Variants in TRIM44 observed in about 807,000 individuals in gnomAD.
TRIM44 encodes the protein tripartite motif containing 44.
In TRIM44, 13 loss-of-function variants were observed where a neutral mutation model predicts 37.4. That is an observed-to-expected ratio of 0.35 (90% CI 0.23 to 0.55). TRIM44 has a LOEUF of 0.55. Among genes scored for constraint, TRIM44 ranks in the 20% least tolerant of loss-of-function variants. The probability of loss-of-function intolerance (pLI) is 0.89; values close to 1 mark genes in which losing one functional copy is unlikely to be tolerated. For missense variants in TRIM44, 426 were observed against 437.2 expected (o/e 0.97, Z 0.23); for synonymous variants, 175 against 157.2 (o/e 1.11, Z -0.85).
chr11:35,676,076 C>G (rs1190285480), intron 1 of TRIM44, among the ~76,000 whole-genome samples: 1 of 152,160 alleles, frequency 6.6e-6, no homozygotes. Context: ...CTTAGCTCTT[C>G]CACCTACTAG....
intron 1 of TRIM44, among the ~76,000 whole-genome samples, chr11:35,677,641 C>T (rs982664628): frequency 6.6e-5 from 10 of 151,972 alleles, no homozygotes; most frequent in South Asian, 2.1e-4. Context: ...ATATATTATT[C>T]GAAGTTAGTG....
chr11:35,734,792 A>G (rs541046623), intron 3 of TRIM44, among the ~76,000 whole-genome samples: 5 of 152,358 alleles, frequency 3.3e-5, no homozygotes, highest in Non-Finnish European at 7.3e-5. Flanking sequence ...GAGAAGAGCC[A>G]TTGTTTGATG....
intron 1 of TRIM44, among the ~76,000 whole-genome samples, chr11:35,679,516 T>A (rs1851501550): frequency 1.3e-5 from 2 of 152,162 alleles, no homozygotes; most frequent in Non-Finnish European, 2.9e-5. Context: ...CAACTTCAGA[T>A]ATCTACCAGA....
At position 35,807,191 on chromosome 11, in the gene TRIM44, C is replaced by T. The variant is rs1853463372; in HGVS notation, c.*806C>T. On this transcript the variant is annotated 3_prime_UTR_variant, in exon 5 of 5. Coordinates refer to ENST00000299413, the MANE Select transcript of TRIM44 (RefSeq NM_017583.6). ...AGAACCAGAATTATTTGGGTGAATT[C>T]TGCAGGTTTTATGGGCTTGTCACAA... The T allele has an allele frequency of 6.6e-6, 1 of 152,160 alleles. No homozygotes were observed. The allele number at this position is 152,160 out of a possible 1,614,324, so 9.4% of individuals were successfully genotyped here.
chr11:35,802,911 C>G (rs994244619), intron 4 of TRIM44, among the ~76,000 whole-genome samples: 2 of 152,134 alleles, frequency 1.3e-5, no homozygotes, highest in Non-Finnish European at 2.9e-5. Flanking sequence ...CACACTTGTT[C>G]TGGAATGTAA....
Position 35,807,285 on chromosome 11 carries a change from A to G in TRIM44, c.*900A>G, listed in dbSNP as rs528544822. ...GTAGGTTTTTGCTAGTCCCACCCCC[A>G]TTTTAGCCTAATTTGGCTTAAACGC... On this transcript the variant is annotated 3_prime_UTR_variant, in exon 5 of 5. Coordinates refer to ENST00000299413, the MANE Select transcript of TRIM44 (RefSeq NM_017583.6). 58 of 152,288 alleles carry G rather than the reference A, an allele frequency of 3.8e-4. No homozygotes were observed. Among genetic ancestry groups the G allele is most frequent in the African/African-American group, 1.4e-3 (58 of 41,568 alleles). 9.4% of individuals were successfully genotyped at this position (152,288 alleles called of 1,614,324 possible).
In TRIM44 at chr11:35,812,466, C is replaced by T. The variant is rs2133889688; in HGVS notation, c.*6081C>T. On this transcript the variant is annotated 3_prime_UTR_variant, in exon 5 of 5. Coordinates refer to ENST00000299413, the MANE Select transcript of TRIM44 (RefSeq NM_017583.6). ...CTTAGCTCTTTCTCTGGGCCAGGTA[C>T]TCTCCTGTTGTTTTTCACATTATCA... 6.6e-6 allele frequency: 1 copy of T among 152,286 alleles called. No homozygotes were observed. Among genetic ancestry groups the T allele is most frequent in the Middle Eastern group, 3.4e-3 (1 of 294 alleles). 9.4% of individuals were successfully genotyped at this position (152,286 alleles called of 1,614,324 possible). A position where few individuals can be genotyped will look rare whatever the true frequency, so the allele number is the denominator to read the frequency against.
chr11:35,786,145 T>C (rs1853128419), intron 4 of TRIM44, among the ~76,000 whole-genome samples: 1 of 152,226 alleles, frequency 6.6e-6, no homozygotes, highest in African/African-American at 2.4e-5. Flanking sequence ...CTATTATTTA[T>C]AAAATATTAC....
intron 4 of TRIM44, among the ~76,000 whole-genome samples, chr11:35,802,777 C>T (rs1853387206): frequency 6.6e-6 from 1 of 152,164 alleles, no homozygotes; most frequent in Admixed American, 6.5e-5. Flanking sequence ...CAGAGTGATA[C>T]TCAGCCTTTC....
At chr11:35,723,009 C>T (rs1170638127) in intron 2 of TRIM44, among the ~76,000 whole-genome samples, 2 of 151,916 alleles carry the variant, frequency 1.3e-5, no homozygotes, top group Non-Finnish European at 2.9e-5. Context: ...CTCTCTTTCT[C>T]TCTCTACCTC....
At chr11:35,781,690 G>A (rs1003226993) in intron 4 of TRIM44, among the ~76,000 whole-genome samples, 1 of 152,154 alleles carries the variant, frequency 6.6e-6, no homozygotes, top group African/African-American at 2.4e-5. Context: ...AAACAAGGAA[G>A]GAAATAAAGT....
chr11:35,788,082 C>T (rs560321222), intron 4 of TRIM44, among the ~76,000 whole-genome samples: 2 of 152,148 alleles, frequency 1.3e-5, no homozygotes, highest in Non-Finnish European at 2.9e-5. Context: ...CTACTGCTCC[C>T]CCATGAACAG....
At chr11:35,686,368 G>GTTT in intron 2 of TRIM44, among the ~76,000 whole-genome samples, 1 of 143,638 alleles carries the variant, frequency 7.0e-6, no homozygotes, top group African/African-American at 2.6e-5. Context: ...TTTTGTTTTT[G>GTTT]TTTTTGTTTT....
At chr11:35,755,246 C>T (rs539079262) in intron 4 of TRIM44, among the ~76,000 whole-genome samples, 1,584 of 152,264 alleles carry the variant, frequency 0.01, 11 homozygotes, top group Admixed American at 0.017. Flanking sequence ...TGCATTTCTC[C>T]AATGGCCAGT....
At chr11:35,730,705 T>G (rs1224272193) in intron 3 of TRIM44, among the ~76,000 whole-genome samples, 1 of 152,212 alleles carries the variant, frequency 6.6e-6, no homozygotes, top group African/African-American at 2.4e-5. Flanking sequence ...GGTTTTCATT[T>G]AAAGGTATTA....
rs771412894 is a variant in TRIM44, at chr11:35,806,363, C to G, written c.1013C>G (p.Ala338Gly). ...GTTCTCCTTTTCCTTTGTAGTGGTGCCAGTGAAGAAGAGGACACATGAAGG... is the reference window on the plus strand; with the variant it reads ...GTTCTCCTTTTCCTTTGTAGTGGTGGCAGTGAAGAAGAGGACACATGAAGG... Reference protein sequence around the residue: ...AEGDEEGPSGASEEEDT With the variant: ...AEGDEEGPSGGSEEEDT The change falls in exon 5 of 5, where the codon GCC becomes GGC. Residue 338 changes from alanine to glycine, a missense_variant. Ala to Gly is a moderately conservative substitution (Grantham distance 60). Coordinates refer to ENST00000299413, the MANE Select transcript of TRIM44 (RefSeq NM_017583.6). 3 of 1,613,490 alleles carry G rather than the reference C, an allele frequency of 1.9e-6. No homozygotes were observed. The East Asian group carries it at 6.7e-5, about 36-fold the overall frequency.
intron 4 of TRIM44, among the ~76,000 whole-genome samples, chr11:35,766,784 C>T (rs1403860897): frequency 6.6e-6 from 1 of 152,176 alleles, no homozygotes; most frequent in Non-Finnish European, 1.5e-5. Flanking sequence ...CCTCTCTTCC[C>T]TGATTCAAAA....
intron 4 of TRIM44, among the ~76,000 whole-genome samples, chr11:35,768,527 TGGATCCCTGAAGGATTCAAGG>T (rs1371221720): frequency 1.3e-5 from 2 of 152,210 alleles, no homozygotes; most frequent in South Asian, 2.1e-4. Context: ...TCATGGCCCT[TGGATCCCTGAAGGATTCAAGG>T]GGATCCCTGA....
chr11:35,706,665 A>T (rs1467596457), intron 2 of TRIM44, among the ~76,000 whole-genome samples: 1 of 152,132 alleles, frequency 6.6e-6, no homozygotes, highest in Admixed American at 6.5e-5. Flanking sequence ...CAAAAACCAC[A>T]TGATTATCTC....
Sources: allele counts gnomAD v4.1 joint callset (sites outside exome capture counted in the v4.1 genomes callset), GRCh38; gene constraint gnomAD v4.1.1; transcripts MANE v1.5; gene names NCBI Gene and HGNC (gene_info 2026-07-23, HGNC 2026-07-21).